MYOM2: variants seen among roughly 807,000 people sequenced by gnomAD.
MYOM2 encodes the protein myomesin 2, also known as myomesin-2.
MYOM2 carries 254 observed loss-of-function variants against 187.6 expected under a neutral mutation model. The ratio of observed to expected loss-of-function variants is 1.35; its 90% CI spans 1.22 to 1.50. The LOEUF is 1.50. MYOM2 is among the 40% of genes most tolerant of loss of function. The probability of loss-of-function intolerance (pLI) is 0.00; values close to 1 mark genes in which losing one functional copy is unlikely to be tolerated. For synonymous variants in MYOM2, 981 were observed against 753.8 expected (o/e 1.30, Z -4.94); for missense variants, 2,796 against 1,924.0 (o/e 1.45, Z -8.48).
rs547799220 is a variant in MYOM2, at chr8:2,101,136, A to C, written c.2619+82A>C. The C allele has an allele frequency of 5.2e-6, 7 of 1,347,934 alleles. No homozygotes were observed. In the African/African-American group the frequency reaches 9.3e-5, roughly 18 times the overall value. 83.5% of individuals were successfully genotyped at this position (1,347,934 alleles called of 1,614,324 possible). A position where few individuals can be genotyped will look rare whatever the true frequency, so the allele number is the denominator to read the frequency against. ...AAAGGCGGGCCAATCACTTGAGGTC[A>C]GGAGTTCGAAACCAGCCTGGCCAAC... On this transcript the variant is annotated intron_variant, in intron 20 of 36. Coordinates refer to ENST00000262113, the MANE Select transcript of MYOM2 (RefSeq NM_003970.4).
chr8:2,141,457 A>G lies in MYOM2; in HGVS notation c.4001+280A>G, dbSNP rs1315029013. 4.6e-5 allele frequency among the ~76,000 whole-genome samples: 7 copies of G among 152,376 alleles called. No homozygotes were observed. In the East Asian group the frequency reaches 1.3e-3, roughly 29 times the overall value. On this transcript the variant is annotated intron_variant, in intron 34 of 36. Transcript: ENST00000262113. ...GAAGAAAGAGAAAAGAAACACGCAAAGCAGATTAACAGTCAAAGACAGGTT... is the reference window on the plus strand; with the variant it reads ...GAAGAAAGAGAAAAGAAACACGCAAGGCAGATTAACAGTCAAAGACAGGTT...
chr8:2,124,400 C>T (rs1376746038), intron 31 of MYOM2, among the ~76,000 whole-genome samples, 183 bp downstream of exon 31: 3 of 152,150 alleles, frequency 2.0e-5, no homozygotes, highest in African/African-American at 7.2e-5. Context: ...GGACTTCCCT[C>T]AGTTTTGTCT....
intron 10 of MYOM2, among the ~76,000 whole-genome samples, chr8:2,075,599 TG>T (rs1819389854): frequency 6.6e-6 from 1 of 152,246 alleles, no homozygotes; most frequent in African/African-American, 2.4e-5. Context: ...TAACTTTCTA[TG>T]TTGCTCTGTT....
At chr8:2,117,034 A>T (rs777186289) in intron 27 of MYOM2, among the ~76,000 whole-genome samples, 10 of 152,212 alleles carry the variant, frequency 6.6e-5, no homozygotes, top group Admixed American at 1.3e-4. Context: ...AAGTGCTGGG[A>T]TTACAGGGGT....
chr8:2,048,225 C>T (rs1226957365), intron 1 of MYOM2, among the ~76,000 whole-genome samples: 1 of 152,210 alleles, frequency 6.6e-6, no homozygotes, highest in African/African-American at 2.4e-5. Context: ...GTGGAATTGC[C>T]TGGTATTCGT....
At chr8:2,130,496 C>A (rs549961065) in intron 32 of MYOM2, among the ~76,000 whole-genome samples, 1 of 152,212 alleles carries the variant, frequency 6.6e-6, no homozygotes, top group African/African-American at 2.4e-5. Flanking sequence ...AAAGGAAAAT[C>A]AATGGTTATG....
intron 6 of MYOM2, among the ~76,000 whole-genome samples, chr8:2,063,136 C>T (rs574107595): frequency 1.3e-5 from 2 of 152,300 alleles, no homozygotes; most frequent in African/African-American, 4.8e-5. Context: ...AAGCTCCAAA[C>T]AGATGAAATG....
rs10105064 is a variant in MYOM2 at position 2,059,182 on chromosome 8, C to T, written c.590C>T (p.Ala197Val). The change falls in exon 6 of 37, where the codon GCG becomes GTG. Residue 197 changes from alanine to valine, a missense_variant. Coordinates refer to ENST00000262113, the MANE Select transcript of MYOM2 (RefSeq NM_003970.4). ...AAAGATGGCAGTCTGATTTGCCAGG[C>T]GGCTGAACCGGGAAAGTACAGGATT... ...WYKDGSLICQ[A>V]AEPGKYRIES... 1,977 of 1,614,108 alleles carry T rather than the reference C, an allele frequency of 1.2e-3. 9 individuals are homozygous for T. Among genetic ancestry groups the T allele is most frequent in the Non-Finnish European group, 1.1e-3 (1,290 of 1,180,002 alleles).
At chr8:2,071,648 T>G (rs781040426) in intron 8 of MYOM2, among the ~76,000 whole-genome samples, 3 of 152,192 alleles carry the variant, frequency 2.0e-5, no homozygotes, top group Non-Finnish European at 4.4e-5. Context: ...CACCGCAAAG[T>G]CGACTTTGTG....
intron 28 of MYOM2, among the ~76,000 whole-genome samples, chr8:2,122,804 T>G (rs1281503888): frequency 6.6e-6 from 1 of 152,232 alleles, no homozygotes; most frequent in Admixed American, 6.5e-5. Flanking sequence ...ATTTTTGTGT[T>G]AAGATTTCAT....
rs746759229 is a variant in MYOM2 at position 2,109,494 on chromosome 8, G to A, written c.3143G>A (p.Arg1048Gln). 45 of 1,613,178 alleles carry A rather than the reference G, an allele frequency of 2.8e-5. No homozygotes were observed. The highest frequency in any genetic ancestry group is 6.7e-5 in the African/African-American group (5 of 74,848). Residue 1048 changes from arginine (R) to glutamine (Q), a missense_variant, in exon 25 of 37, where the codon CGA becomes CAA. By Grantham distance (43) the Arg-to-Gln change is conservative (BLOSUM62 1). Transcript: ENST00000262113. ...AEHLSPDASY[R>Q]FIINDREVSD... ...CACTTATCACCAGATGCCAGCTACC[G>A]ATTTATTATTAACGACAGAGAAGTC...
intron 14 of MYOM2, among the ~76,000 whole-genome samples, chr8:2,087,007 A>G (rs916046590): frequency 1.2e-4 from 19 of 152,094 alleles, no homozygotes; most frequent in Middle Eastern, 6.3e-3. Context: ...GCCATCACGT[A>G]TATGTATGTA....
At chr8:2,053,641 T>C (rs759234433) in intron 3 of MYOM2, among the ~76,000 whole-genome samples, 10 of 152,254 alleles carry the variant, frequency 6.6e-5, no homozygotes, top group Non-Finnish European at 4.4e-5. Context: ...CATTGGTCTA[T>C]GCTCTTGCAA....
At chr8:2,073,537 G>C in intron 10 of MYOM2, 37 bp downstream of exon 10, 1 of 1,553,398 alleles carries the variant, frequency 6.4e-7, no homozygotes, top group Non-Finnish European at 8.7e-7. Context: ...CAGACCTTGT[G>C]TGTGCCCGGG....
At chr8:2,066,426 T>C (rs1017593205) in intron 6 of MYOM2, among the ~76,000 whole-genome samples, 6 of 152,222 alleles carry the variant, frequency 3.9e-5, no homozygotes, top group African/African-American at 1.4e-4. Flanking sequence ...CTTGTTTCTC[T>C]CATCTGCTGT....
Position 2,140,709 on chromosome 8 carries a change from T to G in MYOM2, c.3801-14T>G, listed in dbSNP as rs150359964. On this transcript the variant is annotated splice_polypyrimidine_tract_variant and intron_variant, in intron 32 of 36. Coordinates refer to ENST00000262113, the MANE Select transcript of MYOM2 (RefSeq NM_003970.4). ...AGACCCTAACTCAGATACGTTCCTGTTGCTCTTTTCAAGAGATGCTAAGAT... is the reference window on the plus strand; with the variant it reads ...AGACCCTAACTCAGATACGTTCCTGGTGCTCTTTTCAAGAGATGCTAAGAT... 8.1e-6 allele frequency: 13 copies of G among 1,613,162 alleles called. No individual in the cohort carries two copies. Among genetic ancestry groups the G allele is most frequent in the Middle Eastern group, 1.6e-4 (1 of 6,062 alleles).
At chr8:2,083,653 G>C (rs1819711884) in intron 13 of MYOM2, among the ~76,000 whole-genome samples, 1 of 152,194 alleles carries the variant, frequency 6.6e-6, no homozygotes, top group Admixed American at 6.5e-5. Flanking sequence ...TCAGGGCAGG[G>C]TCATCACTCA....
At chr8:2,080,031 G>A (rs1819567487) in intron 13 of MYOM2, among the ~76,000 whole-genome samples, 1 of 152,206 alleles carries the variant, frequency 6.6e-6, no homozygotes, top group Admixed American at 6.5e-5. Context: ...AACTGAAATG[G>A]ATTGAGTCTT....
At chr8:2,048,032 T>C (rs776960608) in intron 1 of MYOM2, among the ~76,000 whole-genome samples, 1 of 152,244 alleles carries the variant, frequency 6.6e-6, no homozygotes, top group Non-Finnish European at 1.5e-5. Context: ...GCGATTCTCC[T>C]CTTATTTCAA....
Sources: allele counts gnomAD v4.1 joint callset (sites outside exome capture counted in the v4.1 genomes callset), GRCh38; gene constraint gnomAD v4.1.1; transcripts MANE v1.5; gene names NCBI Gene and HGNC (gene_info 2026-07-23, HGNC 2026-07-21).